The following CEP85L variants were observed in gnomAD, a reference collection of about 807,000 sequenced individuals.
CEP85L encodes the protein centrosomal protein of 85 kDa-like.
In CEP85L, 60 loss-of-function variants were observed where a neutral mutation model predicts 100.3. The ratio of observed to expected loss-of-function variants is 0.60; its 90% confidence interval spans 0.49 to 0.74. CEP85L has a LOEUF of 0.74. Among genes scored for constraint, CEP85L ranks in the 30% least tolerant of loss-of-function variants. CEP85L has a pLI of 0.00. For synonymous variants in CEP85L, 319 were observed against 322.7 expected (o/e 0.99, Z 0.12); for missense variants, 973 against 936.2 (o/e 1.04, Z -0.51).
intron 2 of CEP85L, among the ~76,000 whole-genome samples, chr6:118,627,094 G>A (rs1368635227): frequency 1.3e-5 from 2 of 151,270 alleles, no homozygotes; most frequent in Non-Finnish European, 2.9e-5. Context: ...AGCTACTCAG[G>A]AGGCTGAGGC....
intron 4 of CEP85L, among the ~76,000 whole-genome samples, chr6:118,519,438 G>C (rs1467182935): frequency 5.7e-5 from 2 of 35,290 alleles, no homozygotes; most frequent in African/African-American, 2.0e-4. Flanking sequence ...AACTCTGTGT[G>C]TGTGTGTGTG....
At chr6:118,646,912 A>ATTGC (rs1472878234) in intron 1 of CEP85L, 1 of 984,240 alleles carries the variant, frequency 1.0e-6, no homozygotes, top group Non-Finnish European at 1.2e-6. Context: ...CTCACCATTT[A>ATTGC]TTGCTTGGCC....
Position 118,622,709 on chromosome 6 carries a change from C to A in CEP85L, c.232+9744G>T, listed in dbSNP as rs577696322. On this transcript the variant is annotated intron_variant, in intron 2 of 12. Coordinates refer to ENST00000368491, the MANE Select transcript of CEP85L (RefSeq NM_001042475.3). ...ATATGGAAAGAGAGGGAGTTTATAACCTCTCAGGGGACACCCATTAAGTAC... is the reference window on the plus strand; with the variant it reads ...ATATGGAAAGAGAGGGAGTTTATAAACTCTCAGGGGACACCCATTAAGTAC... Among the ~76,000 whole-genome samples the A allele has an allele frequency of 2.0e-5, 3 of 152,324 alleles. No homozygotes were observed. The East Asian group carries it at 5.8e-4, about 29-fold the overall frequency.
At chr6:118,536,549 C>T (rs1012409462) in intron 3 of CEP85L, among the ~76,000 whole-genome samples, 38 of 152,102 alleles carry the variant, frequency 2.5e-4, no homozygotes, top group African/African-American at 8.7e-4. Context: ...GAAATAAAGG[C>T]CTCATCTGCT....
intron 3 of CEP85L, among the ~76,000 whole-genome samples, chr6:118,530,094 G>A (rs935435010): frequency 3.3e-5 from 5 of 151,880 alleles, no homozygotes; most frequent in East Asian, 1.9e-4. Context: ...AAGTTACCAC[G>A]AAGATAAAAT....
At chr6:118,610,855 A>C (rs1562307319) in intron 2 of CEP85L, among the ~76,000 whole-genome samples, 1 of 152,244 alleles carries the variant, frequency 6.6e-6, no homozygotes, top group Non-Finnish European at 1.5e-5. Flanking sequence ...TGGCAGCCAG[A>C]AAGAAGAAGA....
intron 1 of CEP85L, among the ~76,000 whole-genome samples, chr6:118,677,308 T>C (rs1299214106): frequency 6.6e-6 from 1 of 152,178 alleles, no homozygotes; most frequent in East Asian, 1.9e-4. Context: ...GAAGTCCTTA[T>C]CTACCAGAAC....
At chr6:118,557,148 A>G (rs17080325) in intron 3 of CEP85L, among the ~76,000 whole-genome samples, 1,674 of 152,318 alleles carry the variant, frequency 0.011, 42 homozygotes, top group African/African-American at 0.038. Context: ...ATAAAACTAT[A>G]AAATCATAAA....
rs921588754 is a variant in CEP85L, at chr6:118,495,255, T to A, written c.1258-3390A>T. ...GGGAAGGCATGATTGTGTTTTAAAA[T>A]GTGAGAACATGAAATTTGGGAGGTG... On this transcript the variant is annotated intron_variant, in intron 5 of 12. Coordinates refer to ENST00000368491, the MANE Select transcript of CEP85L (RefSeq NM_001042475.3). Among the ~76,000 whole-genome samples, 4 of 152,160 alleles carry A rather than the reference T, an allele frequency of 2.6e-5. No individual in the cohort carries two copies. The South Asian group carries it at 6.2e-4, about 24-fold the overall frequency.
chr6:118,469,407 G>C, intron 11 of CEP85L, 104 bp from the exon 12 acceptor site: 2 of 827,492 alleles, frequency 2.4e-6, no homozygotes, highest in Non-Finnish European at 3.9e-6. Flanking sequence ...CAAAACGATG[G>C]AGTCATATTA....
intron 2 of CEP85L, among the ~76,000 whole-genome samples, chr6:118,616,951 A>AG: frequency 6.6e-6 from 1 of 152,054 alleles, no homozygotes. Context: ...TGTCAAAAAA[A>AG]AAAAAAGGCT....
chr6:118,650,929 C>T (rs1775510731), intron 1 of CEP85L, among the ~76,000 whole-genome samples: 1 of 152,236 alleles, frequency 6.6e-6, no homozygotes, highest in South Asian at 2.1e-4. Context: ...CGCGGGGGCC[C>T]AAGCGAGCTG....
Position 118,623,151 on chromosome 6 carries a change from CCTT to C in CEP85L, c.232+9299_232+9301del, listed in dbSNP as rs551861233. Reference sequence around the variant, plus strand: ...CCAAATCCCTATTTACAGGGCCAAACCTTCTCCAAACTATGCGGCAGGTAGTCA... The same window carrying C: ...CCAAATCCCTATTTACAGGGCCAAACCTCCAAACTATGCGGCAGGTAGTCA... On this transcript the variant is annotated intron_variant, in intron 2 of 12. Transcript: ENST00000368491. Among the ~76,000 whole-genome samples the C allele has an allele frequency of 4.0e-3, 603 of 152,296 alleles. 1 individual carries two copies. Among genetic ancestry groups the C allele is most frequent in the Non-Finnish European group, 6.3e-3 (428 of 68,022 alleles).
chr6:118,533,508 C>A (rs1434783452), intron 3 of CEP85L, among the ~76,000 whole-genome samples: 1 of 152,024 alleles, frequency 6.6e-6, no homozygotes, highest in Non-Finnish European at 1.5e-5. Flanking sequence ...CAAATTGTTA[C>A]ACTGTAGGAT....
intron 2 of CEP85L, among the ~76,000 whole-genome samples, chr6:118,583,495 T>A (rs992268632): frequency 7.2e-5 from 11 of 152,196 alleles, no homozygotes; most frequent in African/African-American, 2.7e-4. Context: ...GGTAGATATA[T>A]TCTAGCTTGC....
intron 6 of CEP85L, 82 bp downstream of exon 6, chr6:118,491,604 C>T: frequency 6.5e-7 from 1 of 1,528,178 alleles, no homozygotes; most frequent in Non-Finnish European, 8.8e-7. Context: ...TGGCATGACA[C>T]CTGACAGGGT....
intron 3 of CEP85L, among the ~76,000 whole-genome samples, chr6:118,549,724 T>C (rs189877881): frequency 4.6e-4 from 70 of 152,032 alleles, no homozygotes; most frequent in Non-Finnish European, 9.0e-4. Context: ...TGTGCATTTT[T>C]ATTCAAATAT....
In CEP85L at chr6:118,463,370, T is replaced by G. The variant is rs1772327441; in HGVS notation, c.*2035A>C. 6.6e-6 allele frequency: 1 copy of G among 152,010 alleles called. No individual in the cohort carries two copies. The allele number at this position is 152,010 out of a possible 1,614,324, so 9.4% of individuals were successfully genotyped here. A position where few individuals can be genotyped will look rare whatever the true frequency, so the allele number is the denominator to read the frequency against. ...ATTGTTTGCCAATTTGTTCTATTAT[T>G]TTAGGAAGCCTTTATTTCTAAAATC... is the stretch of plus-strand genomic sequence containing the variant. On this transcript the variant is annotated 3_prime_UTR_variant, in exon 13 of 13. Coordinates refer to ENST00000368491, the MANE Select transcript of CEP85L (RefSeq NM_001042475.3).
chr6:118,482,387 C>A (rs1186903568), intron 7 of CEP85L, among the ~76,000 whole-genome samples: 1 of 152,026 alleles, frequency 6.6e-6, no homozygotes, highest in Non-Finnish European at 1.5e-5. Context: ...TCCTGGTAAC[C>A]AACTTTCTAC....
Sources: allele counts gnomAD v4.1 joint callset (sites outside exome capture counted in the v4.1 genomes callset), GRCh38; gene constraint gnomAD v4.1.1; transcripts MANE v1.5; gene names NCBI Gene and HGNC (gene_info 2026-07-23, HGNC 2026-07-21).